Variants in GAS2L3 observed in about 807,000 individuals in gnomAD.
GAS2L3 encodes the protein GAS2-like protein 3.
GAS2L3 carries 28 observed loss-of-function variants against 37.0 expected under a neutral mutation model. The ratio of observed to expected loss-of-function variants is 0.76; its 90% CI spans 0.56 to 1.04. The LOEUF (loss-of-function observed/expected upper bound fraction) is 1.04. GAS2L3 is among the 50% of genes least tolerant of loss of function. The pLI, the probability that GAS2L3 is intolerant of heterozygous loss-of-function variation, is 0.00. For synonymous variants in GAS2L3, 290 were observed against 296.6 expected (o/e 0.98, Z 0.23); for missense variants, 793 against 817.6 (o/e 0.97, Z 0.37).
chr12:100,573,944 C>G (rs1230049910), intron 1 of GAS2L3, 159 bp downstream of exon 1: 1 of 152,318 alleles, frequency 6.6e-6, no homozygotes, highest in Non-Finnish European at 1.5e-5. Context: ...CCAGTACGCT[C>G]TGCGTTTGCC....
intron 1 of GAS2L3, chr12:100,578,936 G>A: frequency 2.2e-6 from 2 of 917,296 alleles, no homozygotes; most frequent in Non-Finnish European, 1.8e-6. Context: ...TGGAAGAGGG[G>A]ATAAGGTTAT....
intron 1 of GAS2L3, among the ~76,000 whole-genome samples, chr12:100,577,577 A>C (rs35712): frequency 0.53 from 79,904 of 151,986 alleles, 21,631 homozygotes; most frequent in East Asian, 0.72. Flanking sequence ...TCTCTTAAAA[A>C]TCTTTATCTG....
intron 5 of GAS2L3, among the ~76,000 whole-genome samples, chr12:100,606,230 T>A (rs1195927393): frequency 7.2e-5 from 11 of 152,130 alleles, no homozygotes; most frequent in African/African-American, 2.7e-4. Context: ...GACCTCTTTA[T>A]CATTATACAA....
rs1428728457 is a variant in GAS2L3 at position 100,626,626 on chromosome 12, A to C, written c.*1736A>C. On this transcript the variant is annotated 3_prime_UTR_variant, in exon 10 of 10. Transcript: ENST00000547754. ...TAAAACCAAGTAACACTTCTTTATC[A>C]GTAACTTTTAGAACTTAAAAGAAAG... 6.6e-6 allele frequency: 1 copy of C among 152,248 alleles called. No homozygotes were observed. The highest frequency in any genetic ancestry group is 1.5e-5 in the Non-Finnish European group (1 of 68,040). 9.4% of individuals were successfully genotyped at this position (152,248 alleles called of 1,614,324 possible). A position where few individuals can be genotyped will look rare whatever the true frequency, so the allele number is the denominator to read the frequency against.
intron 1 of GAS2L3, among the ~76,000 whole-genome samples, chr12:100,574,402 C>G (rs1955610231): frequency 1.3e-5 from 2 of 152,142 alleles, no homozygotes; most frequent in African/African-American, 4.8e-5. Context: ...GAGCTGGAGA[C>G]CCTGCGCGAT....
intron 5 of GAS2L3, among the ~76,000 whole-genome samples, chr12:100,604,333 G>T (rs1176554645): frequency 2.0e-5 from 3 of 151,756 alleles, no homozygotes; most frequent in African/African-American, 7.2e-5. Flanking sequence ...TAATTCCTAG[G>T]TATTTAATTT....
intron 1 of GAS2L3, among the ~76,000 whole-genome samples, chr12:100,574,355 G>A (rs868013445): frequency 5.9e-5 from 9 of 152,166 alleles, no homozygotes; most frequent in Admixed American, 3.9e-4. Flanking sequence ...AGTCCATGCA[G>A]GGTCTAGAAC....
intron 3 of GAS2L3, among the ~76,000 whole-genome samples, 160 bp downstream of exon 3, chr12:100,595,082 A>C: frequency 6.6e-6 from 1 of 151,976 alleles, no homozygotes; most frequent in East Asian, 1.9e-4. Flanking sequence ...TCTAGTTCTC[A>C]AAAACGTTCA....
rs769156453 is a variant in GAS2L3, at chr12:100,624,676, A to G, written c.1871A>G (p.Lys624Arg). The change falls in exon 10 of 10, where the codon AAA (lysine) becomes AGA (arginine). Residue 624 changes from lysine (K) to arginine (R), a missense_variant. Lys to Arg is a conservative substitution (Grantham distance 26). Transcript: ENST00000547754. ...SIVSLPQSSTKTQTAPKSAQT... is the reference protein window; with the variant it reads ...SIVSLPQSSTRTQTAPKSAQT... ...GTGAGCCTACCCCAGTCTTCTACCAAAACACAAACTGCACCGAAGTCAGCA... is the reference window on the plus strand; with the variant it reads ...GTGAGCCTACCCCAGTCTTCTACCAGAACACAAACTGCACCGAAGTCAGCA... 1.2e-6 allele frequency: 2 copies of G among 1,614,120 alleles called. No individual in the cohort carries two copies. Among genetic ancestry groups the G allele is most frequent in the South Asian group, 1.1e-5 (1 of 91,074 alleles).
intron 3 of GAS2L3, among the ~76,000 whole-genome samples, chr12:100,599,609 CTG>C (rs1955958683): frequency 6.6e-6 from 1 of 152,180 alleles, no homozygotes; most frequent in African/African-American, 2.4e-5. Context: ...AAAGATAACA[CTG>C]TTATTATGAT....
At chr12:100,598,821 A>T (rs80156128) in intron 3 of GAS2L3, among the ~76,000 whole-genome samples, 2 of 152,224 alleles carry the variant, frequency 1.3e-5, no homozygotes, top group South Asian at 4.1e-4. Context: ...TTTGAATTCA[A>T]CACCAAAGGA....
intron 1 of GAS2L3, among the ~76,000 whole-genome samples, chr12:100,585,284 C>T (rs1955766188): frequency 6.6e-6 from 1 of 151,496 alleles, no homozygotes; most frequent in Admixed American, 6.6e-5. Flanking sequence ...AGTCTTGAGT[C>T]TTGCTCTGTC....
intron 1 of GAS2L3, among the ~76,000 whole-genome samples, chr12:100,576,405 G>A (rs570493102): frequency 5.9e-5 from 9 of 152,146 alleles, no homozygotes; most frequent in Non-Finnish European, 1.0e-4. Flanking sequence ...TTACAGTAAC[G>A]TGTGTATTTT....
intron 6 of GAS2L3, among the ~76,000 whole-genome samples, chr12:100,616,627 A>C (rs1353532140): frequency 6.6e-6 from 1 of 151,234 alleles, no homozygotes; most frequent in African/African-American, 2.4e-5. Context: ...AAACAAAAAA[A>C]CTGTAGAAAC....
chr12:100,624,426 G>A lies in GAS2L3; in HGVS notation c.1621G>A (p.Asp541Asn), dbSNP rs142387567. Reference protein sequence around the residue: ...TGLGTQSQPSDGAPQAKPVPA... With the variant: ...TGLGTQSQPSNGAPQAKPVPA... ...TCTAGGAACACAGTCTCAACCATCCGATGGAGCCCCACAAGCAAAGCCAGT... is the reference window on the plus strand; with the variant it reads ...TCTAGGAACACAGTCTCAACCATCCAATGGAGCCCCACAAGCAAAGCCAGT... Residue 541 changes from aspartate to asparagine, a missense_variant, in exon 10 of 10, where the codon GAT becomes AAT. Coordinates refer to ENST00000547754, the MANE Select transcript of GAS2L3 (RefSeq NM_174942.3). 7.4e-6 allele frequency: 12 copies of A among 1,613,896 alleles called. No individual in the cohort carries two copies. The East Asian group carries it at 1.3e-4, about 18-fold the overall frequency.
At position 100,623,977 on chromosome 12, in the gene GAS2L3, T is replaced by A. The variant is rs145136819; in HGVS notation, c.1172T>A (p.Ile391Lys). The change falls in exon 10 of 10, where the codon ATA (isoleucine) becomes AAA (lysine). Residue 391 changes from isoleucine (I) to lysine (K), a missense_variant. By Grantham distance (102) the Ile-to-Lys change is moderately radical. Coordinates refer to ENST00000547754, the MANE Select transcript of GAS2L3 (RefSeq NM_174942.3). Reference protein sequence around the residue: ...SHPKLKSSKGITKKPQAPSNN... With the variant: ...SHPKLKSSKGKTKKPQAPSNN... ...CCCAAGCTCAAGTCTTCAAAAGGCA[T>A]AACGAAGAAACCGCAGGCTCCTTCA... 6.2e-7 allele frequency: 1 copy of A among 1,614,062 alleles called. No homozygotes were observed. The highest frequency in any genetic ancestry group is 1.3e-5 in the African/African-American group (1 of 75,030).
chr12:100,576,301 G>T (rs1050163152), intron 1 of GAS2L3, among the ~76,000 whole-genome samples: 1 of 151,988 alleles, frequency 6.6e-6, no homozygotes, highest in Admixed American at 6.6e-5. Flanking sequence ...AATAGGAAAG[G>T]TTCAGTTATT....
intron 1 of GAS2L3, among the ~76,000 whole-genome samples, 158 bp from the exon 2 acceptor site, chr12:100,591,578 T>C (rs1039521468): frequency 2.0e-5 from 3 of 152,210 alleles, no homozygotes; most frequent in Non-Finnish European, 4.4e-5. Context: ...TCTCTTTAAT[T>C]GGATAAATTA....
Position 100,623,916 on chromosome 12 carries a change from T to C in GAS2L3, c.1111T>C (p.Ser371Pro). 6.2e-7 allele frequency: 1 copy of C among 1,614,086 alleles called. No homozygotes were observed. The highest frequency in any genetic ancestry group is 8.5e-7 in the Non-Finnish European group (1 of 1,180,016). ...GGNLGSMSVR[S>P]KLPNSPAASS... ...TAATCTGGGCTCTATGTCAGTCCGT[T>C]CTAAATTGCCAAATTCTCCAGCAGC... Residue 371 changes from serine (S) to proline (P), a missense_variant, in exon 10 of 10, where the codon TCT (serine) becomes CCT (proline). Physicochemically the swap from Ser to Pro is moderately conservative, Grantham distance 74. Transcript: ENST00000547754.
Sources: allele counts gnomAD v4.1 joint callset (sites outside exome capture counted in the v4.1 genomes callset), GRCh38; gene constraint gnomAD v4.1.1; transcripts MANE v1.5; gene names NCBI Gene and HGNC (gene_info 2026-07-23, HGNC 2026-07-21).